TICAM1: variants seen among roughly 807,000 people sequenced by gnomAD.
The protein encoded by TICAM1 is TIR domain-containing adapter molecule 1.
For synonymous variants in TICAM1, 439 were observed against 415.4 expected, an observed-to-expected ratio of 1.06 and a Z score of -0.69; for missense variants, 895 against 938.2, an observed-to-expected ratio of 0.95 and a Z score of 0.60.
At chr19:4,821,895 C>G (rs1461670036) in intron 1 of TICAM1, among the ~76,000 whole-genome samples, 1 of 150,574 alleles carries the variant, frequency 6.6e-6, no homozygotes, top group African/African-American at 2.4e-5. Context: ...CTGCCTGTCT[C>G]GGCCTCCCAA....
rs113520135 is a variant in TICAM1 at position 4,827,541 on chromosome 19, G to A, written c.-140+4073C>T. Among the ~76,000 whole-genome samples, 279 of 151,928 alleles carry A rather than the reference G, an allele frequency of 1.8e-3. 1 individual carries two copies. Among genetic ancestry groups the A allele is most frequent in the Non-Finnish European group, 2.1e-3 (143 of 67,930 alleles). On this transcript the variant is annotated intron_variant, in intron 1 of 1. Transcript: ENST00000248244. ...TGGGAGGCCGAGGCGGGCAGATCACGAGGTCAGGAGATCGAGACCGTGCTG... is the reference window on the plus strand; with the variant it reads ...TGGGAGGCCGAGGCGGGCAGATCACAAGGTCAGGAGATCGAGACCGTGCTG...
rs201978370 is a variant in TICAM1 at position 4,816,449 on chromosome 19, C to A, written c.1929G>T (p.Pro643=). ...LHAWQAGTPP[P]PSPQPAAFPQ... ...GAAAGGCTGCTGGCTGTGGGGAGGG[C>A]GGTGGGGGGGTGCCAGCCTGCCATG... is the stretch of plus-strand genomic sequence containing the variant. The change falls in exon 2 of 2, where the codon CCG becomes CCT. Residue 643 remains proline (P), a synonymous_variant. Coordinates refer to ENST00000248244, the MANE Select transcript of TICAM1 (RefSeq NM_182919.4). This position sits in a 1 kb window ranked among gnomAD's most constrained non-coding sequence, Gnocchi z 4.3. The A allele has an allele frequency of 7.7e-7, 1 of 1,303,044 alleles. No individual in the cohort carries two copies. Among genetic ancestry groups the A allele is most frequent in the African/African-American group, 1.7e-5 (1 of 60,198 alleles). The allele number at this position is 1,303,044 out of a possible 1,614,324, so 80.7% of individuals were successfully genotyped here. A position where few individuals can be genotyped will look rare whatever the true frequency, so the allele number is the denominator to read the frequency against.
intron 1 of TICAM1, among the ~76,000 whole-genome samples, chr19:4,827,152 G>A (rs903494194): frequency 5.3e-5 from 8 of 150,452 alleles, no homozygotes; most frequent in Non-Finnish European, 1.0e-4. Flanking sequence ...GGAGTTCGAG[G>A]CTAGCCTGGC....
At position 4,819,897 on chromosome 19, in the gene TICAM1, C is replaced by T. The variant is rs184308867; in HGVS notation, c.-139-1381G>A. ...TCTCAATAAATAAATAAATAGTCAG[C>T]CTTCTAGATGGTCCTCAAGGACCCA... On this transcript the variant is annotated intron_variant, in intron 1 of 1. Transcript: ENST00000248244. 3.5e-3 allele frequency among the ~76,000 whole-genome samples: 505 copies of T among 146,290 alleles called. 3 individuals are homozygous for T. Among genetic ancestry groups the T allele is most frequent in the African/African-American group, 0.012 (485 of 40,398 alleles).
chr19:4,821,791 T>C (rs2093597976), intron 1 of TICAM1, among the ~76,000 whole-genome samples: 1 of 151,780 alleles, frequency 6.6e-6, no homozygotes, highest in Non-Finnish European at 1.5e-5. Context: ...ATTACAGGCA[T>C]GCACCACCAT....
At position 4,816,544 on chromosome 19, in the gene TICAM1, G is replaced by T; in HGVS notation, c.1834C>A (p.Gln612Lys). 1 of 1,605,164 alleles carries T rather than the reference G, an allele frequency of 6.2e-7. No individual in the cohort carries two copies. ...GGTGGCGGGGCTCCCAGGGGCACCT[G>T]GCCCCCAAAGGGCATTCGAGCCCCA... ...PYGARMPFGG[Q>K]VPLGAPPPFP... is the part of the protein sequence containing the mutation. The change falls in exon 2 of 2, where the codon CAG (glutamine) becomes AAG (lysine). Residue 612 changes from glutamine (Q) to lysine (K), a missense_variant. Physicochemically the swap from Gln to Lys is moderately conservative, Grantham distance 53. Transcript: ENST00000248244. This position sits in a 1 kb window ranked among gnomAD's most constrained non-coding sequence, Gnocchi z 4.3.
rs189529810 is a variant in TICAM1 at position 4,820,816 on chromosome 19, G to A, written c.-139-2300C>T. On this transcript the variant is annotated intron_variant, in intron 1 of 1. Transcript: ENST00000248244. Reference sequence around the variant, plus strand: ...GAAGAATCGCTTGAACCTGGGAGGTGGAGGTTGCAGTGAGCCGAGATCGTG... The same window carrying A: ...GAAGAATCGCTTGAACCTGGGAGGTAGAGGTTGCAGTGAGCCGAGATCGTG... Among the ~76,000 whole-genome samples the A allele has an allele frequency of 8.7e-3, 1,318 of 152,070 alleles. 16 individuals are homozygous for A. Among genetic ancestry groups the A allele is most frequent in the African/African-American group, 0.029 (1,197 of 41,498 alleles).
chr19:4,820,271 T>C (rs968801233), intron 1 of TICAM1, among the ~76,000 whole-genome samples: 4 of 146,172 alleles, frequency 2.7e-5, no homozygotes, highest in Non-Finnish European at 4.6e-5. Flanking sequence ...ATACAAAAAA[T>C]TAGCTGGGCA....
Position 4,818,380 on chromosome 19 carries a change from G to A in TICAM1, c.-3C>T. 1 of 1,581,778 alleles carries A rather than the reference G, an allele frequency of 6.3e-7. No homozygotes were observed. Among genetic ancestry groups the A allele is most frequent in the Non-Finnish European group, 8.6e-7 (1 of 1,163,934 alleles). On this transcript the variant is annotated 5_prime_UTR_variant, in exon 2 of 2. Transcript: ENST00000248244. This position sits in a 1 kb window ranked among gnomAD's most constrained non-coding sequence, Gnocchi z 4.0. ...AGTGATGGGCCTGTGCAGGCCATGG[G>A]CACAGGTGGGTGCAGCCTCCGGCAG...
At chr19:4,828,895 G>A (rs1205269327) in intron 1 of TICAM1, among the ~76,000 whole-genome samples, 1 of 151,978 alleles carries the variant, frequency 6.6e-6, no homozygotes, top group Non-Finnish European at 1.5e-5. Flanking sequence ...TAGGGACGGG[G>A]TTTCACCATG....
chr19:4,817,076 C>CG lies in TICAM1; in HGVS notation c.1301dup (p.Arg436AlafsTer124). On this transcript the variant is annotated frameshift_variant, in exon 2 of 2. Transcript: ENST00000248244. LOFTEE classifies it low-confidence loss of function (END_TRUNC). This position sits in a 1 kb window ranked among gnomAD's most constrained non-coding sequence, Gnocchi z 4.7. The stretch of plus-strand genomic sequence containing the variant: ...GCAGGCAGCTCAGCTCCCCGCGCCC[C>CG]GGCACCTGGAAATCCTCGCAGAAGG... 6.2e-7 allele frequency: 1 copy of CG among 1,614,104 alleles called. No homozygotes were observed.
At position 4,816,575 on chromosome 19, in the gene TICAM1, C is replaced by T. The variant is rs11466723; in HGVS notation, c.1803G>A (p.Ala601=). 3.2e-4 allele frequency: 517 copies of T among 1,613,032 alleles called. 3 individuals carry two copies. The African/African-American group carries it at 3.8e-3, about 12-fold the overall frequency. The change falls in exon 2 of 2, where the codon GCG becomes GCA. Residue 601 remains alanine, a synonymous_variant. Transcript: ENST00000248244. This position sits in a 1 kb window ranked among gnomAD's most constrained non-coding sequence, Gnocchi z 4.3. The part of the protein sequence containing the change: ...FGSHMSFGTG[A]PYGARMPFGG... The stretch of plus-strand genomic sequence containing the variant: ...CAAAGGGCATTCGAGCCCCATAGGG[C>T]GCCCCAGTCCCAAATGACATGTGGC...
chr19:4,821,373 C>G (rs565880411), intron 1 of TICAM1, among the ~76,000 whole-genome samples: 1 of 152,056 alleles, frequency 6.6e-6, no homozygotes, highest in East Asian at 1.9e-4. Flanking sequence ...GACAATATAA[C>G]GGGCATGTGT....
At chr19:4,829,733 G>C (rs1195827846) in intron 1 of TICAM1, among the ~76,000 whole-genome samples, 1 of 151,052 alleles carries the variant, frequency 6.6e-6, no homozygotes, top group Non-Finnish European at 1.5e-5. Context: ...ATATTAGTGT[G>C]ACAATAAATA....
intron 1 of TICAM1, among the ~76,000 whole-genome samples, chr19:4,825,190 G>A (rs1175982982): frequency 6.6e-6 from 1 of 151,970 alleles, no homozygotes; most frequent in Non-Finnish European, 1.5e-5. Context: ...TGAGGGAGGA[G>A]AATTGCTGGA....
chr19:4,825,626 G>T (rs896395122), intron 1 of TICAM1, among the ~76,000 whole-genome samples: 1 of 151,688 alleles, frequency 6.6e-6, no homozygotes, highest in Admixed American at 6.6e-5. Context: ...CCAAGAGTTC[G>T]AGACCAGCCT....
intron 1 of TICAM1, among the ~76,000 whole-genome samples, chr19:4,830,233 G>A (rs1010935014): frequency 5.3e-5 from 8 of 151,774 alleles, no homozygotes; most frequent in African/African-American, 1.9e-4. Context: ...GACTACAGGT[G>A]TGCGGCACCA....
At chr19:4,824,483 C>T (rs2093602703) in intron 1 of TICAM1, among the ~76,000 whole-genome samples, 1 of 151,650 alleles carries the variant, frequency 6.6e-6, no homozygotes, top group East Asian at 1.9e-4. Context: ...TACAGGTTCG[C>T]ACCACTATGC....
intron 1 of TICAM1, among the ~76,000 whole-genome samples, chr19:4,821,555 C>T (rs2093597477): frequency 6.6e-6 from 1 of 152,112 alleles, no homozygotes; most frequent in African/African-American, 2.4e-5. Flanking sequence ...TGGCTCACTC[C>T]CTTACCCTCC....
Sources: gnomAD v4.1 joint callset for allele counts (sites outside exome capture counted in the v4.1 genomes callset) on GRCh38, gnomAD v4.1.1 for gene constraint, Gnocchi (gnomAD v3.1) non-coding constraint, MANE v1.5 for transcripts, NCBI Gene and HGNC (gene_info 2026-07-23, HGNC 2026-07-21) for gene names.